STT3B: variants seen among roughly 807,000 people sequenced by gnomAD.
STT3B encodes the protein STT3 oligosaccharyltransferase complex catalytic subunit B.
A neutral mutation model predicts 96.8 loss-of-function variants in STT3B; 29 were observed. That is an observed-to-expected ratio of 0.30 (90% CI 0.22 to 0.41). The LOEUF is 0.41. Ranked by LOEUF, STT3B falls within the 10% of genes least tolerant of loss-of-function variation. The pLI, the probability that STT3B is intolerant of heterozygous loss-of-function variation, is 1.00. For synonymous variants in STT3B, 367 were observed against 360.0 expected (o/e 1.02, Z -0.22); for missense variants, 640 against 1,022.3 (o/e 0.63, Z 5.10).
At chr3:31,534,390 A>T (rs1022127534) in intron 1 of STT3B, among the ~76,000 whole-genome samples, 5 of 152,104 alleles carry the variant, frequency 3.3e-5, no homozygotes, top group Non-Finnish European at 7.4e-5. Context: ...GCCCAACCCG[A>T]GTTAGGATTT....
At chr3:31,546,580 A>G (rs1239050286) in intron 1 of STT3B, among the ~76,000 whole-genome samples, 3 of 152,180 alleles carry the variant, frequency 2.0e-5, no homozygotes, top group East Asian at 1.9e-4. Context: ...ACCTAGCTCA[A>G]TGTTGAGAGG....
chr3:31,575,697 C>A (rs1332090029), intron 1 of STT3B, among the ~76,000 whole-genome samples: 1 of 151,992 alleles, frequency 6.6e-6, no homozygotes, highest in African/African-American at 2.4e-5. Flanking sequence ...CTCTGATGCC[C>A]ACTTCCCTGC....
At chr3:31,537,985 CTT>C (rs1251136672) in intron 1 of STT3B, among the ~76,000 whole-genome samples, 1 of 152,104 alleles carries the variant, frequency 6.6e-6, no homozygotes, top group Non-Finnish European at 1.5e-5. Flanking sequence ...ACTTTTAAAA[CTT>C]AATGATCTTA....
At chr3:31,620,089 A>G (rs1575444916) in intron 9 of STT3B, 1 of 622,446 alleles carries the variant, frequency 1.6e-6, no homozygotes, top group South Asian at 2.1e-5. Flanking sequence ...AGCCTGGCCA[A>G]CATGGTGAAA....
intron 5 of STT3B, among the ~76,000 whole-genome samples, chr3:31,605,718 G>A (rs971321951): frequency 5.3e-5 from 8 of 152,168 alleles, no homozygotes; most frequent in African/African-American, 1.7e-4. Context: ...CATGAGAACA[G>A]ACTAATACAG....
intron 1 of STT3B, among the ~76,000 whole-genome samples, chr3:31,535,471 C>A (rs1019829495): frequency 2.6e-5 from 4 of 152,006 alleles, no homozygotes; most frequent in African/African-American, 9.7e-5. Context: ...CGCCTGTAAT[C>A]CCAGCACTTC....
intron 3 of STT3B, among the ~76,000 whole-genome samples, chr3:31,588,406 G>T (rs192300802): frequency 6.6e-6 from 1 of 152,142 alleles, no homozygotes; most frequent in East Asian, 1.9e-4. Flanking sequence ...CTCATAATTT[G>T]TGAGAATTAT....
chr3:31,627,279 T>C (rs1388751902), intron 13 of STT3B, among the ~76,000 whole-genome samples: 1 of 152,094 alleles, frequency 6.6e-6, no homozygotes, highest in Non-Finnish European at 1.5e-5. Context: ...ACAAACCCTA[T>C]CGTGAACTGC....
chr3:31,586,915 G>T (rs1698552462), intron 3 of STT3B, among the ~76,000 whole-genome samples: 1 of 152,156 alleles, frequency 6.6e-6, no homozygotes, highest in African/African-American at 2.4e-5. Flanking sequence ...AGCCTTCTGG[G>T]ATGTTGATTG....
At chr3:31,623,920 C>G in intron 11 of STT3B, 59 bp downstream of exon 11, 1 of 1,332,796 alleles carries the variant, frequency 7.5e-7, no homozygotes, top group Non-Finnish European at 1.0e-6. Context: ...TTCGTTGTCT[C>G]AAAGGATATA....
intron 1 of STT3B, among the ~76,000 whole-genome samples, chr3:31,536,081 T>TC (rs1429223547): frequency 3.3e-5 from 5 of 151,912 alleles, no homozygotes; most frequent in Admixed American, 6.6e-5. Context: ...TGTTTTTTTT[T>TC]CATGTCTTTT....
In STT3B at chr3:31,565,583, G is replaced by A. The variant is rs150113799; in HGVS notation, c.315-10813G>A. Among the ~76,000 whole-genome samples the A allele has an allele frequency of 1.2e-3, 186 of 152,314 alleles. 1 individual carries two copies. Among genetic ancestry groups the A allele is most frequent in the Middle Eastern group, 6.8e-3 (2 of 294 alleles). Reference sequence around the variant, plus strand: ...ACAGTGGTTGAATTGGTTAATATAAGAAGTATGAGAAAGGTGCCAAAAAGG... The same window carrying A: ...ACAGTGGTTGAATTGGTTAATATAAAAAGTATGAGAAAGGTGCCAAAAAGG... On this transcript the variant is annotated intron_variant, in intron 1 of 15. Coordinates refer to ENST00000295770, the MANE Select transcript of STT3B (RefSeq NM_178862.3).
chr3:31,549,736 A>G (rs914810289), intron 1 of STT3B, among the ~76,000 whole-genome samples: 2 of 152,206 alleles, frequency 1.3e-5, no homozygotes, highest in African/African-American at 2.4e-5. Flanking sequence ...AAATGTAAAT[A>G]TAACATGTTT....
At chr3:31,598,990 A>G (rs1435847233) in intron 4 of STT3B, among the ~76,000 whole-genome samples, 1 of 151,930 alleles carries the variant, frequency 6.6e-6, no homozygotes. Flanking sequence ...TTGTATTTTT[A>G]GTAGAGACAG....
intron 9 of STT3B, among the ~76,000 whole-genome samples, chr3:31,621,378 GGT>G (rs1344961789): frequency 3.9e-5 from 6 of 152,142 alleles, no homozygotes; most frequent in Non-Finnish European, 8.8e-5. Context: ...TAGTTACACA[GGT>G]GTGTATATAT....
At chr3:31,633,200 T>A in intron 15 of STT3B, 53 bp downstream of exon 15, 1 of 1,487,270 alleles carries the variant, frequency 6.7e-7, no homozygotes, top group African/African-American at 1.4e-5. Context: ...TTGGTTTGTA[T>A]GAAAAAGAAT....
intron 3 of STT3B, 117 bp from the exon 4 acceptor site, chr3:31,596,681 A>G: frequency 1.4e-6 from 1 of 719,652 alleles, no homozygotes; most frequent in Non-Finnish European, 2.4e-6. Flanking sequence ...TAACCACAGT[A>G]TTTTTTAGAA....
intron 8 of STT3B, 130 bp from the exon 9 acceptor site, chr3:31,619,546 G>T: frequency 1.4e-6 from 1 of 722,356 alleles, no homozygotes; most frequent in Non-Finnish European, 2.2e-6. Context: ...TGGTTACCTT[G>T]GAAGGTATAT....
chr3:31,573,790 C>T (rs754564835), intron 1 of STT3B, among the ~76,000 whole-genome samples: 7 of 152,020 alleles, frequency 4.6e-5, no homozygotes, highest in Non-Finnish European at 1.0e-4. Context: ...TGTGGGCATA[C>T]TGGTAATAAT....
Sources: allele counts gnomAD v4.1 joint callset (sites outside exome capture counted in the v4.1 genomes callset), GRCh38; gene constraint gnomAD v4.1.1; transcripts MANE v1.5; gene names NCBI Gene and HGNC (gene_info 2026-07-23, HGNC 2026-07-21).